The following MDC1 variants were observed in gnomAD, a reference collection of about 807,000 sequenced individuals.
MDC1 encodes the protein mediator of DNA damage checkpoint 1, also known as mediator of DNA damage checkpoint protein 1.
A neutral mutation model predicts 142.5 loss-of-function variants in MDC1; 81 were observed. The observed-to-expected ratio is 0.57, with a 90% confidence interval of 0.47 to 0.68. The LOEUF is 0.68. MDC1 is among the 30% of genes least tolerant of loss of function. The probability of loss-of-function intolerance (pLI) is 0.00; values close to 1 mark genes in which losing one functional copy is unlikely to be tolerated. For synonymous variants in MDC1, 797 were observed against 968.4 expected (o/e 0.82, Z 3.29); for missense variants, 2,119 against 2,547.9 (o/e 0.83, Z 3.62).
Position 30,707,913 on chromosome 6 carries a change from C to T in MDC1, c.2666G>A (p.Ser889Asn), listed in dbSNP as rs140196483. The part of the protein sequence containing the change: ...ESASPERDRE[S>N]LKVEIETSEE... ...AGATGTCTCAATTTCTACCTTCAAA[C>T]TCTCCCTATCTCTTTCAGGACTTGC... Residue 889 changes from serine (S) to asparagine (N), a missense_variant, in exon 8 of 15, where the codon AGT becomes AAT. Transcript: ENST00000376406. 2 of 1,612,968 alleles carry T rather than the reference C, an allele frequency of 1.2e-6. No homozygotes were observed. The highest frequency in any genetic ancestry group is 2.7e-5 in the African/African-American group (2 of 74,926).
In MDC1 at chr6:30,715,635, C is replaced by T. The variant is rs553328279; in HGVS notation, c.-3-457G>A. 2.6e-5 allele frequency among the ~76,000 whole-genome samples: 4 copies of T among 152,200 alleles called. No homozygotes were observed. In the East Asian group the frequency reaches 5.8e-4, roughly 22 times the overall value. On this transcript the variant is annotated intron_variant, in intron 1 of 14. Coordinates refer to ENST00000376406, the MANE Select transcript of MDC1 (RefSeq NM_014641.3). This position sits in a 1 kb window ranked among gnomAD's most constrained non-coding sequence, Gnocchi z 4.1. ...ATTACAGGCGTGAGCCACTGCGCCC[C>T]GTTGTTTTTCTTTCTTTTTTAGCCC...
chr6:30,706,721 C>T (rs533751103), intron 9 of MDC1, among the ~76,000 whole-genome samples: 8 of 151,240 alleles, frequency 5.3e-5, no homozygotes, highest in African/African-American at 1.2e-4. Flanking sequence ...CGCTTGAACC[C>T]GGGAGGCAGA....
At chr6:30,702,688 G>T (rs753325641) in intron 13 of MDC1, 25 bp from the exon 14 acceptor site, 2 of 1,611,708 alleles carry the variant, frequency 1.2e-6, no homozygotes, top group East Asian at 4.5e-5. Context: ...TGATGGAGAT[G>T]GTATTGTAGA....
At chr6:30,708,428 A>T (rs1158585163) in intron 7 of MDC1, 71 bp from the exon 8 acceptor site, 14 of 1,168,042 alleles carry the variant, frequency 1.2e-5, no homozygotes, top group Non-Finnish European at 1.6e-5. Context: ...GGGAAAGGGA[A>T]GTACAGGTTG....
chr6:30,703,320 A>G lies in MDC1; in HGVS notation c.5683-34T>C, dbSNP rs972187503. On this transcript the variant is annotated intron_variant, in intron 11 of 14. Coordinates refer to ENST00000376406, the MANE Select transcript of MDC1 (RefSeq NM_014641.3). This position sits in a 1 kb window ranked among gnomAD's most constrained non-coding sequence, Gnocchi z 4.4. Reference sequence around the variant, plus strand: ...GGGTTGACCTGAGGTGGTTACGGCAACCCATGCCATCAGCACCCATCTCTA... The same window carrying G: ...GGGTTGACCTGAGGTGGTTACGGCAGCCCATGCCATCAGCACCCATCTCTA... 6.2e-7 allele frequency: 1 copy of G among 1,608,702 alleles called. No individual in the cohort carries two copies. Among genetic ancestry groups the G allele is most frequent in the Non-Finnish European group, 8.5e-7 (1 of 1,176,586 alleles).
rs576435293 is a variant in MDC1, at chr6:30,710,954, T to C, written c.2221+458A>G. 1.2e-4 allele frequency among the ~76,000 whole-genome samples: 18 copies of C among 151,996 alleles called. No individual in the cohort carries two copies. The South Asian group carries it at 2.5e-3, about 21-fold the overall frequency. On this transcript the variant is annotated intron_variant, in intron 7 of 14. Coordinates refer to ENST00000376406, the MANE Select transcript of MDC1 (RefSeq NM_014641.3). ...CATTTTTGTGGAGACCAGGTCTCTC[T>C]CTGTTGCCCAGGCCAGTCCCTAAAT...
At position 30,700,469 on chromosome 6, in the gene MDC1, G is replaced by T. The variant is rs61733211; in HGVS notation, c.6266C>A (p.Thr2089Asn). The T allele has an allele frequency of 1.1e-3, 1,816 of 1,612,056 alleles. 16 individuals carry two copies. In the African/African-American group the frequency reaches 0.022, roughly 19 times the overall value. Residue 2089 changes from threonine to asparagine, a missense_variant, in exon 15 of 15, where the codon ACC becomes AAC. By Grantham distance (65) the Thr-to-Asn change is moderately conservative. Transcript: ENST00000376406. ...FVLSPLEMSS[T>N] ...GGGAAAAGGGTAGTGGAGTTCTCAG[G>T]TGGATGACATCTCCAAAGGGGAGAG... is the stretch of plus-strand genomic sequence containing the variant.
Position 30,703,910 on chromosome 6 carries a change from C to T in MDC1, c.5273G>A (p.Trp1758Ter). 6.2e-7 allele frequency: 1 copy of T among 1,614,154 alleles called. No individual in the cohort carries two copies. The highest frequency in any genetic ancestry group is 8.5e-7 in the Non-Finnish European group (1 of 1,180,034). Residue 1758 changes from tryptophan (W) to a stop codon, truncating the protein, a stop_gained, in exon 10 of 15, where the codon TGG (tryptophan) becomes TAG (stop). Coordinates refer to ENST00000376406, the MANE Select transcript of MDC1 (RefSeq NM_014641.3). LOFTEE classifies it high-confidence loss of function. This position sits in a 1 kb window ranked among gnomAD's most constrained non-coding sequence, Gnocchi z 4.4. The stretch of plus-strand genomic sequence containing the variant: ...GGATTCAGCTGCTCTCACTGCTCCC[C>T]ATCTTTGGTTCCTTGAGGCCTGGGA... ...PKSQASRNQR[W>*]GAVRAAESLT... is the part of the protein sequence containing the mutation.
chr6:30,707,540 T>A (rs1205420704), intron 8 of MDC1, 26 bp downstream of exon 8: 2 of 1,612,772 alleles, frequency 1.2e-6, no homozygotes, highest in Non-Finnish European at 1.7e-6. Flanking sequence ...GTGTATCACC[T>A]TGGGTTCCCC....
rs1772987664 is a variant in MDC1 at position 30,702,764 on chromosome 6, T to C, written c.5979A>G (p.Arg1993=). The C allele has an allele frequency of 6.2e-7, 1 of 1,613,080 alleles. No homozygotes were observed. ...GATAGCCTCTCACCTCTAGCAGCCTTCGCTCCCGAGCCCTGCTCAGTGCGT... is the reference window on the plus strand; with the variant it reads ...GATAGCCTCTCACCTCTAGCAGCCTCCGCTCCCGAGCCCTGCTCAGTGCGT... ...LQDALSRARE[R]RLLEGYEIYV... The change falls in exon 13 of 15, where the codon CGA becomes CGG. Residue 1993 remains arginine (R), a synonymous_variant. Transcript: ENST00000376406.
chr6:30,700,715 C>T, intron 14 of MDC1, 83 bp from the exon 15 acceptor site: 3 of 1,391,128 alleles, frequency 2.2e-6, no homozygotes, highest in Admixed American at 1.9e-5. Context: ...GTCTTACCAT[C>T]ACTAAAATAA....
In MDC1 at chr6:30,715,372, T is replaced by C. The variant is rs1338993274; in HGVS notation, c.-3-194A>G. On this transcript the variant is annotated intron_variant, in intron 1 of 14. Transcript: ENST00000376406. The surrounding 1 kb of genome is among the most constrained non-coding windows in gnomAD (Gnocchi z 4.1). ...TCTTTTTTGTGATGGAGTCTCGTTC[T>C]GCTCCCCAGGCTGGCATGCAGTGGT... Among the ~76,000 whole-genome samples the C allele has an allele frequency of 6.6e-6, 1 of 152,242 alleles. No homozygotes were observed. The highest frequency in any genetic ancestry group is 1.5e-5 in the Non-Finnish European group (1 of 68,044).
rs779147295 is a variant in MDC1 at position 30,708,327 on chromosome 6, G to T, written c.2252C>A (p.Ala751Asp). 2.5e-6 allele frequency: 4 copies of T among 1,611,988 alleles called. No homozygotes were observed. Among genetic ancestry groups the T allele is most frequent in the Middle Eastern group, 1.6e-4 (1 of 6,062 alleles). Residue 751 changes from alanine (A) to aspartate (D), a missense_variant, in exon 8 of 15, where the codon GCT becomes GAT. Physicochemically the swap from Ala to Asp is moderately radical, Grantham distance 126. Transcript: ENST00000376406. ...CTCTCTCAGACAGAATGGCTGTGTA[G>T]CCAGGACCTCCCATGGTTCATCTAG... ...GTLDEPWEVL[A>D]TQPFCLRESE...
chr6:30,712,618 G>A lies in MDC1; in HGVS notation c.1324C>T (p.Leu442=), dbSNP rs760166810. Residue 442 remains leucine, a synonymous_variant, in exon 5 of 15, where the codon CTG becomes TTG. Transcript: ENST00000376406. The surrounding 1 kb of genome is among the most constrained non-coding windows in gnomAD (Gnocchi z 4.7). ...TCAGTGGTGGTTTGGCTTCGCTGCAGAAGGACCACACGTTGGGGCATGTCC... is the reference window on the plus strand; with the variant it reads ...TCAGTGGTGGTTTGGCTTCGCTGCAAAAGGACCACACGTTGGGGCATGTCC... ...EEDMPQRVVL[L]QRSQTTTERD... 35 of 1,612,884 alleles carry A rather than the reference G, an allele frequency of 2.2e-5. No individual in the cohort carries two copies. The highest frequency in any genetic ancestry group is 8.3e-5 in the Admixed American group (5 of 60,006).
At chr6:30,706,805 A>T (rs570302267) in intron 9 of MDC1, among the ~76,000 whole-genome samples, 1 of 150,820 alleles carries the variant, frequency 6.6e-6, no homozygotes, top group Non-Finnish European at 1.5e-5. Flanking sequence ...AAAAAAAACA[A>T]AAAAATACAC....
At position 30,707,813 on chromosome 6, in the gene MDC1, T is replaced by C. The variant is rs920997662; in HGVS notation, c.2766A>G (p.Pro922=). ...CTGGATCGCACTCTCTGTTTGCTAC[T>C]GGTCTCTCTACTTCTCTCTCAAATG... ...SKAFEREVER[P]VANRECDPAE... The change falls in exon 8 of 15, where the codon CCA becomes CCG. Residue 922 remains proline, a synonymous_variant. Transcript: ENST00000376406. 4 of 1,613,028 alleles carry C rather than the reference T, an allele frequency of 2.5e-6. No homozygotes were observed. The highest frequency in any genetic ancestry group is 1.7e-5 in the Admixed American group (1 of 59,998).
Position 30,703,331 on chromosome 6 carries a change from C to G in MDC1, c.5683-45G>C. On this transcript the variant is annotated intron_variant, in intron 11 of 14. Coordinates refer to ENST00000376406, the MANE Select transcript of MDC1 (RefSeq NM_014641.3). This position sits in a 1 kb window ranked among gnomAD's most constrained non-coding sequence, Gnocchi z 4.4. Reference sequence around the variant, plus strand: ...AGGTGGTTACGGCAACCCATGCCATCAGCACCCATCTCTACAATCCTCTAG... The same window carrying G: ...AGGTGGTTACGGCAACCCATGCCATGAGCACCCATCTCTACAATCCTCTAG... The G allele has an allele frequency of 6.2e-7, 1 of 1,610,014 alleles. No individual in the cohort carries two copies. Among genetic ancestry groups the G allele is most frequent in the African/African-American group, 1.3e-5 (1 of 75,020 alleles).
chr6:30,704,732 T>C lies in MDC1; in HGVS notation c.4451A>G (p.Lys1484Arg), dbSNP rs1237930345. The change falls in exon 10 of 15, where the codon AAG becomes AGG. Residue 1484 changes from lysine (K) to arginine (R), a missense_variant. Physicochemically the swap from Lys to Arg is conservative, Grantham distance 26. Transcript: ENST00000376406. ...TGTGGGGACAACTGTTTCAGGAGTC[T>C]TGACAGAGGATCTATCTGTTCTTCC... is the stretch of plus-strand genomic sequence containing the variant. ...TRGRTDRSSV[K>R]TPETVVPTAP... is the part of the protein sequence containing the mutation. 4 of 1,611,720 alleles carry C rather than the reference T, an allele frequency of 2.5e-6. No homozygotes were observed. The East Asian group carries it at 6.7e-5, about 27-fold the overall frequency.
At position 30,704,966 on chromosome 6, in the gene MDC1, G is replaced by A. The variant is rs766818773; in HGVS notation, c.4217C>T (p.Thr1406Ile). The A allele has an allele frequency of 1.2e-6, 2 of 1,607,976 alleles. No individual in the cohort carries two copies. The highest frequency in any genetic ancestry group is 1.7e-6 in the Non-Finnish European group (2 of 1,177,332). Reference protein sequence around the residue: ...KNRSSGKTPETLVPTAPKLEP... With the variant: ...KNRSSGKTPEILVPTAPKLEP... Reference sequence around the variant, plus strand: ...GAGCTTAGGGGCTGTGGGGACAAGTGTTTCAGGGGTCTTGCCAGAGGATCT... The same window carrying A: ...GAGCTTAGGGGCTGTGGGGACAAGTATTTCAGGGGTCTTGCCAGAGGATCT... The change falls in exon 10 of 15, where the codon ACA becomes ATA. Residue 1406 changes from threonine to isoleucine, a missense_variant. Thr to Ile is a moderately conservative substitution (Grantham distance 89, BLOSUM62 -1). Coordinates refer to ENST00000376406, the MANE Select transcript of MDC1 (RefSeq NM_014641.3).
Sources: gnomAD v4.1 joint callset for allele counts (sites outside exome capture counted in the v4.1 genomes callset) on GRCh38, gnomAD v4.1.1 for gene constraint, Gnocchi (gnomAD v3.1) non-coding constraint, MANE v1.5 for transcripts, NCBI Gene and HGNC (gene_info 2026-07-23, HGNC 2026-07-21) for gene names.